CLUH: variants seen among roughly 807,000 people sequenced by gnomAD.
CLUH encodes the protein CLUH binding protein of NUMT mRNA.
In CLUH, 77 loss-of-function variants were observed where a neutral mutation model predicts 139.3. The ratio of observed to expected loss-of-function variants is 0.55; its 90% CI spans 0.46 to 0.67. The LOEUF (loss-of-function observed/expected upper bound fraction) is 0.67, where lower values mean the gene tolerates loss of function less well. CLUH is among the 30% of genes least tolerant of loss of function. The pLI, the probability that CLUH is intolerant of heterozygous loss-of-function variation, is 0.00. For missense variants in CLUH, 1,876 were observed against 1,875.8 expected, an observed-to-expected ratio of 1.00 and a Z score of 0.00; for synonymous variants, 999 against 801.6, an observed-to-expected ratio of 1.25 and a Z score of -4.16.
chr17:2,701,531 G>A lies in CLUH; in HGVS notation c.745-11C>T, dbSNP rs756745795. 1.1e-4 allele frequency: 185 copies of A among 1,613,492 alleles called. 1 individual carries two copies. Among genetic ancestry groups the A allele is most frequent in the Non-Finnish European group, 1.5e-4 (178 of 1,179,778 alleles). Reference sequence around the variant, plus strand: ...CAGGCACTGCAAGGGCTTCGGGAGCGGCCGAGTCTGAGGGGCCAGGCCTCT... The same window carrying A: ...CAGGCACTGCAAGGGCTTCGGGAGCAGCCGAGTCTGAGGGGCCAGGCCTCT... On this transcript the variant is annotated splice_polypyrimidine_tract_variant and intron_variant, in intron 5 of 25. Coordinates refer to ENST00000651024, the MANE Select transcript of CLUH (RefSeq NM_001366661.1).
chr17:2,708,157 C>T (rs546330838), intron 1 of CLUH, among the ~76,000 whole-genome samples: 1 of 152,300 alleles, frequency 6.6e-6, no homozygotes, highest in Non-Finnish European at 1.5e-5. Flanking sequence ...GCCCCAGCAT[C>T]CACCCTACCC....
chr17:2,702,669 C>T (rs2070226407), intron 3 of CLUH, among the ~76,000 whole-genome samples: 1 of 152,226 alleles, frequency 6.6e-6, no homozygotes, highest in Admixed American at 6.5e-5. Flanking sequence ...CACAGACCAA[C>T]CGGATGGCAC....
rs371577642 is a variant in CLUH, at chr17:2,696,521, C to T, written c.2203G>A (p.Glu735Lys). ...GCCTTGCACGCGTTGCGGATCACCTCCCGGCTCCGAGGGTCTGCTGTGGAG... is the reference window on the plus strand; with the variant it reads ...GCCTTGCACGCGTTGCGGATCACCTTCCGGCTCCGAGGGTCTGCTGTGGAG... Reference protein sequence around the residue: ...DDGTADPRSREVIRNACKAVG... With the variant: ...DDGTADPRSRKVIRNACKAVG... Residue 735 changes from glutamate to lysine, a missense_variant, in exon 12 of 26, where the codon GAG (glutamate) becomes AAG (lysine). Physicochemically the swap from Glu to Lys is moderately conservative, Grantham distance 56. Transcript: ENST00000651024. 5 of 1,576,970 alleles carry T rather than the reference C, an allele frequency of 3.2e-6. No homozygotes were observed. In the South Asian group the frequency reaches 3.5e-5, roughly 11 times the overall value.
rs749859097 is a variant in CLUH at position 2,691,770 on chromosome 17, C to T, written c.3780G>A (p.Pro1260=). The T allele has an allele frequency of 9.4e-6, 15 of 1,595,186 alleles. No individual in the cohort carries two copies. Among genetic ancestry groups the T allele is most frequent in the Non-Finnish European group, 1.3e-5 (15 of 1,171,508 alleles). Reference sequence around the variant, plus strand: ...TCCGCCCCGGACTCACCTTGAGGGGCGGGATGTTGGCGCTGGAGCCGTTGC... The same window carrying T: ...TCCGCCCCGGACTCACCTTGAGGGGTGGGATGTTGGCGCTGGAGCCGTTGC... ...IYRNGSSANI[P]PLKFTAPSMA... The change falls in exon 24 of 26, where the codon CCG becomes CCA. Residue 1260 remains proline, a synonymous_variant. Coordinates refer to ENST00000651024, the MANE Select transcript of CLUH (RefSeq NM_001366661.1).
In CLUH at chr17:2,692,684, G is replaced by A. The variant is rs758096195; in HGVS notation, c.3325C>T (p.Leu1109=). The A allele has an allele frequency of 1.9e-5, 31 of 1,610,932 alleles. No individual in the cohort carries two copies. The highest frequency in any genetic ancestry group is 4.4e-5 in the South Asian group (4 of 90,966). Residue 1109 remains leucine, a synonymous_variant, in exon 21 of 26, where the codon CTG becomes TTG. Coordinates refer to ENST00000651024, the MANE Select transcript of CLUH (RefSeq NM_001366661.1). ...AGCTGGCTGCTGGCGAAGCAGTACA[G>A]GGCCAGGTGCATCTGCGGGCGGGGC... ...NTIQEYMHLA[L]YCFASSQLST...
Position 2,694,920 on chromosome 17 carries a change from G to A in CLUH, c.2789C>T (p.Pro930Leu). The A allele has an allele frequency of 6.2e-7, 1 of 1,604,746 alleles. No homozygotes were observed. Among genetic ancestry groups the A allele is most frequent in the Non-Finnish European group, 8.5e-7 (1 of 1,175,016 alleles). Residue 930 changes from proline (P) to leucine (L), a missense_variant, in exon 16 of 26, where the codon CCC (proline) becomes CTC (leucine). Around this residue, in one of 3 missense-constraint regions of CLUH, gnomAD observed 1,454 missense variants for 1,384.4 expected, o/e 1.05. Transcript: ENST00000651024. ...GCAGATGTTCTTCCAGAGCTCCTGG[G>A]GGGTCATGACAGCCCAGGCTGTGTT... ...ADNTAWAVMT[P>L]QELWKNICQE...
chr17:2,707,902 G>C lies in CLUH; in HGVS notation c.101-3338C>G. 3.0e-6 allele frequency: 3 copies of C among 985,400 alleles called. No individual in the cohort carries two copies. The highest frequency in any genetic ancestry group is 3.6e-6 in the Non-Finnish European group (3 of 829,902). The allele number at this position is 985,400 out of a possible 1,614,324, so 61.0% of individuals were successfully genotyped here. ...GTTCTGGTGGAAGGGAGGGGGATGG[G>C]CCCCCAGCTTCCCAGAGGACAACTG... On this transcript the variant is annotated intron_variant, in intron 1 of 25. Coordinates refer to ENST00000651024, the MANE Select transcript of CLUH (RefSeq NM_001366661.1). The surrounding 1 kb of genome is among the most constrained non-coding windows in gnomAD (Gnocchi z 7.4).
rs1199536788 is a variant in CLUH at position 2,701,459 on chromosome 17, T to C, written c.806A>G (p.Lys269Arg). ...CAGGTACATGAGGTCCCCGTGCATC[T>C]TCCGGTTCCCCGGGGGCGGGTTCCA... The part of the protein sequence containing the change: ...SGWNPPPGNR[K>R]MHGDLMYLFV... The change falls in exon 6 of 26, where the codon AAG becomes AGG. Residue 269 changes from lysine (K) to arginine (R), a missense_variant. Transcript: ENST00000651024. 1 of 1,613,678 alleles carries C rather than the reference T, an allele frequency of 6.2e-7. No individual in the cohort carries two copies. Among genetic ancestry groups the C allele is most frequent in the African/African-American group, 1.3e-5 (1 of 74,922 alleles).
chr17:2,691,595 G>T lies in CLUH; in HGVS notation c.3863+14C>A. The T allele has an allele frequency of 6.2e-7, 1 of 1,610,394 alleles. No homozygotes were observed. Among genetic ancestry groups the T allele is most frequent in the East Asian group, 2.2e-5 (1 of 44,774 alleles). ...CCCCAACCGGGAGACACTCGAGTGGGGCGGAGGCCTCACCTGAGAGGAATG... is the reference window on the plus strand; with the variant it reads ...CCCCAACCGGGAGACACTCGAGTGGTGCGGAGGCCTCACCTGAGAGGAATG... On this transcript the variant is annotated intron_variant, in intron 25 of 25. Transcript: ENST00000651024.
rs2070370438 is a variant in CLUH, at chr17:2,706,982, CA to C, written c.101-2419del. Among the ~76,000 whole-genome samples, 1 of 152,210 alleles carries C rather than the reference CA, an allele frequency of 6.6e-6. No individual in the cohort carries two copies. Among genetic ancestry groups the C allele is most frequent in the African/African-American group, 2.4e-5 (1 of 41,448 alleles). On this transcript the variant is annotated intron_variant, in intron 1 of 25. Coordinates refer to ENST00000651024, the MANE Select transcript of CLUH (RefSeq NM_001366661.1). The surrounding 1 kb of genome is among the most constrained non-coding windows in gnomAD (Gnocchi z 4.6). ...TTCCCCAGCCCAGGGAGACGACCCTCAGGGGGTACCTATTCCCTATCCCGTT... is the reference window on the plus strand; with the variant it reads ...TTCCCCAGCCCAGGGAGACGACCCTCGGGGGTACCTATTCCCTATCCCGTT...
In CLUH at chr17:2,701,284, C is replaced by T. The variant is rs767746524; in HGVS notation, c.900-19G>A. On this transcript the variant is annotated intron_variant, in intron 6 of 25. Transcript: ENST00000651024. ...TGTGGACCTGCAGGGAGAGGGCGGG[C>T]ACTGAGCGGGGGCCCAGGTGTCTGC... 2 of 1,609,340 alleles carry T rather than the reference C, an allele frequency of 1.2e-6. No homozygotes were observed. The highest frequency in any genetic ancestry group is 1.1e-5 in the South Asian group (1 of 90,408).
At chr17:2,700,876 C>T in intron 7 of CLUH, 51 bp from the exon 8 acceptor site, 1 of 1,503,538 alleles carries the variant, frequency 6.7e-7, no homozygotes, top group Non-Finnish European at 8.8e-7. Flanking sequence ...AGCTCAGAGC[C>T]CTTCCACGGG....
Position 2,701,973 on chromosome 17 carries a change from T to C in CLUH, c.560A>G (p.Asn187Ser). The C allele has an allele frequency of 3.1e-6, 5 of 1,613,986 alleles. No homozygotes were observed. Among genetic ancestry groups the C allele is most frequent in the Non-Finnish European group, 4.2e-6 (5 of 1,179,896 alleles). The change falls in exon 4 of 26, where the codon AAC (asparagine) becomes AGC (serine). Residue 187 changes from asparagine to serine, a missense_variant. Coordinates refer to ENST00000651024, the MANE Select transcript of CLUH (RefSeq NM_001366661.1). ...LKSLDPSDAFNGVDCNSLSFL... is the reference protein window; with the variant it reads ...LKSLDPSDAFSGVDCNSLSFL... ...GGACAAGGAGTTGCAGTCAACCCCG[T>C]TGAAGGCATCGGATGGGTCCAGGCT...
chr17:2,693,469 G>A (rs1280193071), intron 19 of CLUH, among the ~76,000 whole-genome samples: 8 of 151,782 alleles, frequency 5.3e-5, no homozygotes, highest in Non-Finnish European at 1.2e-4. Context: ...CAGGGAGTAG[G>A]GATCCTAAGA....
rs1006248357 is a variant in CLUH at position 2,690,535 on chromosome 17, C to A, written c.*59G>T. Reference sequence around the variant, plus strand: ...TCCGCCCGCAGGCTCGCCCCCTTCTCCCGCAGTCGGGCTCCCTGGTGACGG... The same window carrying A: ...TCCGCCCGCAGGCTCGCCCCCTTCTACCGCAGTCGGGCTCCCTGGTGACGG... On this transcript the variant is annotated 3_prime_UTR_variant, in exon 26 of 26. Transcript: ENST00000651024. 7.3e-7 allele frequency: 1 copy of A among 1,367,258 alleles called. No individual in the cohort carries two copies. The highest frequency in any genetic ancestry group is 1.8e-5 in the South Asian group (1 of 56,574). The allele number at this position is 1,367,258 out of a possible 1,614,324, so 84.7% of individuals were successfully genotyped here.
intron 23 of CLUH, 22 bp downstream of exon 23, chr17:2,691,959 ACGCCCCCGCCCCGCCCCCGCCCC>A (rs1187721157): frequency 5.5e-6 from 2 of 364,000 alleles, no homozygotes; most frequent in Non-Finnish European, 7.0e-6. Flanking sequence ...CCGCCCCGCC[ACGCCCCCGCCCCGCCCCCGCCCC>A]CGCCACGCCC....
intron 9 of CLUH, 50 bp from the exon 10 acceptor site, chr17:2,698,640 T>G: frequency 6.8e-7 from 1 of 1,476,460 alleles, no homozygotes; most frequent in Non-Finnish European, 9.0e-7. Flanking sequence ...CACAAGAGCC[T>G]GCATCCACCT....
At position 2,690,688 on chromosome 17, in the gene CLUH, G is replaced by A. The variant is rs531117604; in HGVS notation, c.3953C>T (p.Pro1318Leu). The A allele has an allele frequency of 7.0e-6, 11 of 1,564,216 alleles. No individual in the cohort carries two copies. Among genetic ancestry groups the A allele is most frequent in the South Asian group, 2.4e-5 (2 of 84,688 alleles). Residue 1318 changes from proline to leucine, a missense_variant, in exon 26 of 26, where the codon CCC becomes CTC. Coordinates refer to ENST00000651024, the MANE Select transcript of CLUH (RefSeq NM_001366661.1). ...CGCTGGCGCGGGCTCGGTAGCCATGGGCTCCTCGGCTCTATCCCTGTTTCT... is the reference window on the plus strand; with the variant it reads ...CGCTGGCGCGGGCTCGGTAGCCATGAGCTCCTCGGCTCTATCCCTGTTTCT... ...ASRNRDRAEE[P>L]MATEPAPAGA... is the part of the protein sequence containing the mutation.
chr17:2,692,337 G>A (rs768530755), intron 22 of CLUH, 24 bp downstream of exon 22: 1 of 1,532,000 alleles, frequency 6.5e-7, no homozygotes, highest in South Asian at 1.2e-5. Context: ...GCCGGCCTTG[G>A]CGTTTGGACG....
Sources: gnomAD v4.1 joint callset for allele counts (sites outside exome capture counted in the v4.1 genomes callset) on GRCh38, gnomAD v4.1.1 for gene constraint, gnomAD v4.1.1 regional missense constraint, Gnocchi (gnomAD v3.1) non-coding constraint, MANE v1.5 for transcripts, NCBI Gene and HGNC (gene_info 2026-07-23, HGNC 2026-07-21) for gene names.